RPS6KC1: variants seen among roughly 807,000 people sequenced by gnomAD.
RPS6KC1 encodes inactive ribosomal protein S6 kinase delta-1.
Under a neutral mutation model 103.8 loss-of-function variants are expected in RPS6KC1, and 54 were observed. That is an observed-to-expected ratio of 0.52 (90% CI 0.42 to 0.65). RPS6KC1 has a LOEUF of 0.65. Among genes scored for constraint, RPS6KC1 ranks in the 30% least tolerant of loss-of-function variants. RPS6KC1 has a pLI of 0.00. For missense variants in RPS6KC1, 1,151 were observed against 1,253.8 expected, an observed-to-expected ratio of 0.92 and a Z score of 1.24; for synonymous variants, 439 against 438.7, an observed-to-expected ratio of 1.00 and a Z score of -0.01.
the RPS6KC1 span, among the ~76,000 whole-genome samples, chr1:213,710,535 G>T: frequency 6.6e-6 from 1 of 152,240 alleles, no homozygotes; most frequent in African/African-American, 2.4e-5. Flanking sequence ...ATATTGTTAT[G>T]TGTGAATTTG....
intron 4 of RPS6KC1, 95 bp from the exon 5 acceptor site, chr1:213,117,222 C>A (rs2083756796): frequency 1.7e-4 from 99 of 577,808 alleles, no homozygotes; most frequent in Non-Finnish European, 2.0e-4. Context: ...CGTTTCTGTA[C>A]ATCTTTACAC....
At chr1:213,503,477 C>T in the RPS6KC1 span, among the ~76,000 whole-genome samples, 1 of 152,272 alleles carries the variant, frequency 6.6e-6, no homozygotes, top group African/African-American at 2.4e-5. Flanking sequence ...GGATAAGGTG[C>T]CTGTAGCAGT....
chr1:213,687,978 G>C, the RPS6KC1 span, among the ~76,000 whole-genome samples: 6 of 152,194 alleles, frequency 3.9e-5, no homozygotes, highest in Admixed American at 1.3e-4. Flanking sequence ...GGAAGATGCT[G>C]AGTAAGCGTG....
intron 10 of RPS6KC1, among the ~76,000 whole-genome samples, chr1:213,235,709 A>G (rs760626359): frequency 2.6e-5 from 4 of 152,136 alleles, no homozygotes; most frequent in African/African-American, 7.2e-5. Context: ...TAGAGAAGTG[A>G]GGAGGCAGGC....
the RPS6KC1 span, among the ~76,000 whole-genome samples, chr1:213,408,937 C>T: frequency 1.3e-5 from 2 of 152,126 alleles, no homozygotes; most frequent in Non-Finnish European, 2.9e-5. Context: ...TCTCTTTTCT[C>T]CTGTTCTTTG....
chr1:213,450,175 T>C, the RPS6KC1 span, among the ~76,000 whole-genome samples: 1 of 152,194 alleles, frequency 6.6e-6, no homozygotes, highest in Non-Finnish European at 1.5e-5. Context: ...GCACCTGGTA[T>C]GTAGAAAGAA....
chr1:213,485,787 A>G, the RPS6KC1 span, among the ~76,000 whole-genome samples: 2 of 152,192 alleles, frequency 1.3e-5, no homozygotes, highest in African/African-American at 4.8e-5. Flanking sequence ...AAGCTTTCAC[A>G]CAATAGCAGA....
the RPS6KC1 span, among the ~76,000 whole-genome samples, chr1:213,746,668 G>T: frequency 6.6e-6 from 1 of 152,144 alleles, no homozygotes; most frequent in South Asian, 2.1e-4. Flanking sequence ...CAAGGGTAGA[G>T]CAAGGAGGTG....
At chr1:213,219,198 G>A (rs1464194616) in intron 8 of RPS6KC1, among the ~76,000 whole-genome samples, 1 of 152,192 alleles carries the variant, frequency 6.6e-6, no homozygotes, top group African/African-American at 2.4e-5. Context: ...AGTGGGTGAA[G>A]GATATGAACA....
At chr1:213,566,942 A>T in the RPS6KC1 span, among the ~76,000 whole-genome samples, 1 of 151,764 alleles carries the variant, frequency 6.6e-6, no homozygotes, top group African/African-American at 2.4e-5. Context: ...CTCATTGTGG[A>T]TTGCTTCCTT....
At chr1:213,169,927 G>A (rs1449305193) in intron 7 of RPS6KC1, among the ~76,000 whole-genome samples, 4 of 151,844 alleles carry the variant, frequency 2.6e-5, no homozygotes, top group Non-Finnish European at 5.9e-5. Context: ...GACTACAGGC[G>A]CATGCCACTA....
chr1:213,179,617 T>C (rs2092132813), intron 8 of RPS6KC1, among the ~76,000 whole-genome samples: 2 of 152,214 alleles, frequency 1.3e-5, no homozygotes, highest in African/African-American at 4.8e-5. Context: ...GAACACAGTT[T>C]CTTTGATTCT....
At chr1:213,402,533 G>T in the RPS6KC1 span, among the ~76,000 whole-genome samples, 1 of 152,188 alleles carries the variant, frequency 6.6e-6, no homozygotes, top group Non-Finnish European at 1.5e-5. Flanking sequence ...ATAATGAGGA[G>T]AACTGAGATC....
the RPS6KC1 span, among the ~76,000 whole-genome samples, chr1:213,285,686 A>G: frequency 6.6e-6 from 1 of 152,176 alleles, no homozygotes; most frequent in Non-Finnish European, 1.5e-5. Flanking sequence ...TTACTGTGTC[A>G]TGTGGTGCTA....
At chr1:213,265,419 A>T (rs2094890690) in intron 14 of RPS6KC1, among the ~76,000 whole-genome samples, 1 of 152,250 alleles carries the variant, frequency 6.6e-6, no homozygotes, top group South Asian at 2.1e-4. Context: ...TATAATGAAG[A>T]AGAAAGAACT....
chr1:213,539,463 T>C, the RPS6KC1 span, among the ~76,000 whole-genome samples: 1 of 152,130 alleles, frequency 6.6e-6, no homozygotes, highest in Non-Finnish European at 1.5e-5. Context: ...GGAAAGTAAA[T>C]AGGATTTTTG....
intron 8 of RPS6KC1, among the ~76,000 whole-genome samples, chr1:213,191,895 G>A (rs943293062): frequency 6.6e-6 from 1 of 151,794 alleles, no homozygotes; most frequent in Non-Finnish European, 1.5e-5. Flanking sequence ...TGCAACCTCC[G>A]CCTCCCATGT....
chr1:213,264,041 G>C (rs1379138183), intron 14 of RPS6KC1, among the ~76,000 whole-genome samples: 1 of 152,142 alleles, frequency 6.6e-6, no homozygotes, highest in Non-Finnish European at 1.5e-5. Flanking sequence ...CTGGAATAGA[G>C]AGATAAATAA....
chr1:213,071,644 A>G (rs993318282), intron 2 of RPS6KC1, among the ~76,000 whole-genome samples: 5 of 152,154 alleles, frequency 3.3e-5, no homozygotes, highest in African/African-American at 9.7e-5. Context: ...AAGGGCCCCT[A>G]TTTACCCATT....
Sources: allele counts gnomAD v4.1 joint callset (sites outside exome capture counted in the v4.1 genomes callset), GRCh38; gene constraint gnomAD v4.1.1; transcripts MANE v1.5; gene names NCBI Gene and HGNC (gene_info 2026-07-23, HGNC 2026-07-21).